WDR76: variants seen among roughly 807,000 people sequenced by gnomAD.
WDR76 encodes the protein WD repeat-containing protein 76.
WDR76 carries 52 observed loss-of-function variants against 70.2 expected under a neutral mutation model. That is an observed-to-expected ratio of 0.74 (90% CI 0.59 to 0.93). WDR76 has a LOEUF of 0.93. WDR76 is among the 40% of genes least tolerant of loss of function. The pLI, the probability that WDR76 is intolerant of heterozygous loss-of-function variation, is 0.00. For missense variants in WDR76, 756 were observed against 760.2 expected (o/e 0.99, Z 0.07); for synonymous variants, 292 against 271.1 (o/e 1.08, Z -0.76).
rs764634297 is a variant in WDR76 at position 43,827,013 on chromosome 15, G to A, written c.-20G>A. Reference sequence around the variant, plus strand: ...GCCGCAATCTTGGCGGGAAGGCGCCGGCCGCTAAGAAGCCGAAAGATGTCC... The same window carrying A: ...GCCGCAATCTTGGCGGGAAGGCGCCAGCCGCTAAGAAGCCGAAAGATGTCC... On this transcript the variant is annotated 5_prime_UTR_variant, in exon 1 of 13. Coordinates refer to ENST00000263795, the MANE Select transcript of WDR76 (RefSeq NM_024908.4). 8 of 1,612,776 alleles carry A rather than the reference G, an allele frequency of 5.0e-6. No homozygotes were observed. The highest frequency in any genetic ancestry group is 6.8e-6 in the Non-Finnish European group (8 of 1,179,800).
At chr15:43,830,851 A>G in intron 2 of WDR76, among the ~76,000 whole-genome samples, 1 of 152,066 alleles carries the variant, frequency 6.6e-6, no homozygotes, top group East Asian at 1.9e-4. Context: ...GTTGGAGACC[A>G]GCCTGGCCAA....
At chr15:43,828,401 CTT>C (rs752408496) in intron 2 of WDR76, 35 bp downstream of exon 2, 17 of 1,541,858 alleles carry the variant, frequency 1.1e-5, no homozygotes, top group East Asian at 2.3e-5. Context: ...TCTGGTTTCT[CTT>C]TTTTGAAATT....
chr15:43,856,894 C>T, intron 9 of WDR76, 52 bp from the exon 10 acceptor site: 1 of 1,510,734 alleles, frequency 6.6e-7, no homozygotes, highest in Non-Finnish European at 9.0e-7. Context: ...TATGCTTTGG[C>T]TTTCTTTACA....
rs557815512 is a variant in WDR76 at position 43,845,000 on chromosome 15, C to T, written c.1032+946C>T. Among the ~76,000 whole-genome samples the T allele has an allele frequency of 1.6e-3, 206 of 129,338 alleles. 11 individuals are homozygous for T. The highest frequency in any genetic ancestry group is 3.0e-3 in the Non-Finnish European group (184 of 60,564). The allele number at this position is 129,338 out of a possible 152,430, so 84.9% of individuals were successfully genotyped here. ...TTTTGGAGAGGGAGTCTTGCTCTGT[C>T]GCCCAGGCTGGAGTGCAGTGGTGTG... is the stretch of plus-strand genomic sequence containing the variant. On this transcript the variant is annotated intron_variant, in intron 8 of 12. Coordinates refer to ENST00000263795, the MANE Select transcript of WDR76 (RefSeq NM_024908.4).
Position 43,856,964 on chromosome 15 carries a change from A to G in WDR76, c.1210A>G (p.Ser404Gly). The G allele has an allele frequency of 6.2e-7, 1 of 1,613,986 alleles. No homozygotes were observed. The highest frequency in any genetic ancestry group is 8.5e-7 in the Non-Finnish European group (1 of 1,179,922). The change falls in exon 10 of 13, where the codon AGT becomes GGT. Residue 404 changes from serine to glycine, a missense_variant. Coordinates refer to ENST00000263795, the MANE Select transcript of WDR76 (RefSeq NM_024908.4). ...IFEEVYRNERSSFSSFDFLAE... is the reference protein window; with the variant it reads ...IFEEVYRNERGSFSSFDFLAE... Reference sequence around the variant, plus strand: ...TTCTTAGGTGTATAGAAATGAAAGAAGTAGCTTTTCCTCCTTCGACTTCTT... The same window carrying G: ...TTCTTAGGTGTATAGAAATGAAAGAGGTAGCTTTTCCTCCTTCGACTTCTT...
In WDR76 at chr15:43,842,495, C is replaced by G. The variant is rs148028021; in HGVS notation, c.813C>G (p.His271Gln). 2.2e-5 allele frequency: 35 copies of G among 1,613,988 alleles called. No homozygotes were observed. The South Asian group carries it at 3.5e-4, about 16-fold the overall frequency. ...ATGAACGATTTAAAGGATTTCTGCA[C>G]ACATGGGCAGGAATGAGCAAGGTAT... ...DNNERFKGFL[H>Q]TWAGMSKPSS... Residue 271 changes from histidine (H) to glutamine (Q), a missense_variant, in exon 6 of 13, where the codon CAC becomes CAG. By Grantham distance (24) the His-to-Gln change is conservative (BLOSUM62 0). Transcript: ENST00000263795.
intron 1 of WDR76, 55 bp downstream of exon 1, chr15:43,827,147 G>A: frequency 6.2e-7 from 1 of 1,612,856 alleles, no homozygotes; most frequent in Non-Finnish European, 8.5e-7. Context: ...TTTTGTGAGG[G>A]TTATGCGGGA....
intron 2 of WDR76, among the ~76,000 whole-genome samples, chr15:43,833,992 G>A (rs1264065116): frequency 5.9e-5 from 9 of 151,986 alleles, no homozygotes; most frequent in South Asian, 2.1e-4. Flanking sequence ...GCAGTTTCTC[G>A]AACAATGAAT....
At chr15:43,835,955 CCTGT>C (rs765156220) in intron 3 of WDR76, among the ~76,000 whole-genome samples, 2 of 151,042 alleles carry the variant, frequency 1.3e-5, no homozygotes, top group Admixed American at 6.6e-5. Context: ...CCATGCCTGG[CCTGT>C]CTTTTTTTTT....
chr15:43,848,956 A>G (rs530360766), intron 8 of WDR76, among the ~76,000 whole-genome samples: 26 of 150,036 alleles, frequency 1.7e-4, no homozygotes, highest in African/African-American at 6.2e-4. Context: ...TTTGAGGCCA[A>G]AAAAACTGCA....
chr15:43,867,913 T>G lies in WDR76; in HGVS notation c.*1521T>G, dbSNP rs1046120771. 6.6e-6 allele frequency: 1 copy of G among 152,216 alleles called. No individual in the cohort carries two copies. Among genetic ancestry groups the G allele is most frequent in the Non-Finnish European group, 1.5e-5 (1 of 68,026 alleles). The allele number at this position is 152,216 out of a possible 1,614,324, so 9.4% of individuals were successfully genotyped here. ...TCATTGCCAAATACTGAAAGACTTG[T>G]AAATGGCTTTGGCAATATGTTTGAA... On this transcript the variant is annotated 3_prime_UTR_variant, in exon 13 of 13. Coordinates refer to ENST00000263795, the MANE Select transcript of WDR76 (RefSeq NM_024908.4).
At chr15:43,845,241 G>A (rs1008473684) in intron 8 of WDR76, among the ~76,000 whole-genome samples, 4 of 149,842 alleles carry the variant, frequency 2.7e-5, no homozygotes, top group Admixed American at 6.6e-5. Context: ...GAGCCACGGC[G>A]CCCAGCCCGA....
chr15:43,832,750 T>G (rs1379849137), intron 2 of WDR76, among the ~76,000 whole-genome samples: 1 of 129,160 alleles, frequency 7.7e-6, no homozygotes, highest in African/African-American at 2.8e-5. Context: ...TTTGTTTTTT[T>G]TTTTTTTTTT....
rs778755288 is a variant in WDR76, at chr15:43,836,149, TA to T, written c.553-11del. 378 of 1,599,158 alleles carry T rather than the reference TA, an allele frequency of 2.4e-4. No homozygotes were observed. The highest frequency in any genetic ancestry group is 3.0e-4 in the Non-Finnish European group (353 of 1,174,650). ...AGTTATAACATTTTTACATGATTTT[TA>T]TACTTTACAGTCTGCTGCAAGACTC... is the stretch of plus-strand genomic sequence containing the variant. On this transcript the variant is annotated splice_polypyrimidine_tract_variant and intron_variant, in intron 3 of 12. Coordinates refer to ENST00000263795, the MANE Select transcript of WDR76 (RefSeq NM_024908.4).
chr15:43,855,391 G>A (rs2087915524), intron 9 of WDR76, among the ~76,000 whole-genome samples: 2 of 152,232 alleles, frequency 1.3e-5, no homozygotes, highest in Admixed American at 6.5e-5. Context: ...ACCAGGATTT[G>A]TGTGACTCCA....
chr15:43,829,097 T>G (rs2087555398), intron 2 of WDR76, among the ~76,000 whole-genome samples: 1 of 151,946 alleles, frequency 6.6e-6, no homozygotes, highest in African/African-American at 2.4e-5. Context: ...AGACGGGGTT[T>G]CACCATGTTT....
At chr15:43,847,399 T>A (rs2087802120) in intron 8 of WDR76, among the ~76,000 whole-genome samples, 1 of 151,832 alleles carries the variant, frequency 6.6e-6, no homozygotes, top group South Asian at 2.1e-4. Context: ...TAGCTGGGAT[T>A]ATAGGCGCTC....
intron 11 of WDR76, among the ~76,000 whole-genome samples, chr15:43,859,948 T>C (rs2087975705): frequency 6.6e-6 from 1 of 152,216 alleles, no homozygotes; most frequent in Non-Finnish European, 1.5e-5. Flanking sequence ...CTCCAACTGC[T>C]GTATAAAAAT....
At chr15:43,848,042 G>A (rs976161201) in intron 8 of WDR76, among the ~76,000 whole-genome samples, 3 of 151,548 alleles carry the variant, frequency 2.0e-5, no homozygotes, top group African/African-American at 7.3e-5. Context: ...CTGCCTAGGT[G>A]ACATAGTGAG....
Sources: gnomAD v4.1 joint callset for allele counts (sites outside exome capture counted in the v4.1 genomes callset) on GRCh38, gnomAD v4.1.1 for gene constraint, MANE v1.5 for transcripts, NCBI Gene and HGNC (gene_info 2026-07-23, HGNC 2026-07-21) for gene names.